The following ACSM3 variants were observed in gnomAD, a reference collection of about 807,000 sequenced individuals.
ACSM3 encodes acyl-coenzyme A synthetase ACSM3, mitochondrial.
A neutral mutation model predicts 74.1 loss-of-function variants in ACSM3; 61 were observed. That is an observed-to-expected ratio of 0.82 (90% CI 0.67 to 1.02). The LOEUF (loss-of-function observed/expected upper bound fraction) is 1.02. Ranked by LOEUF, ACSM3 falls within the 50% of genes least tolerant of loss-of-function variation. The pLI is 0.00. For missense variants in ACSM3, 660 were observed against 697.0 expected, an observed-to-expected ratio of 0.95 and a Z score of 0.60; for synonymous variants, 213 against 241.5, an observed-to-expected ratio of 0.88 and a Z score of 1.09.
At chr16:20,702,351 T>C (rs1567319436) in intron 1 of ACSM3, among the ~76,000 whole-genome samples, 1 of 152,226 alleles carries the variant, frequency 6.6e-6, no homozygotes, top group Non-Finnish European at 1.5e-5. Flanking sequence ...TAGCTGGGAT[T>C]ACAGGCATGT....
At chr16:20,690,751 A>G (rs1180682136) in intron 1 of ACSM3, among the ~76,000 whole-genome samples, 3 of 152,214 alleles carry the variant, frequency 2.0e-5, no homozygotes, top group Admixed American at 1.3e-4. Flanking sequence ...AATAAAAGAT[A>G]TATTTACCTA....
chr16:20,696,059 G>A (rs2079688209), intron 1 of ACSM3, among the ~76,000 whole-genome samples: 1 of 152,138 alleles, frequency 6.6e-6, no homozygotes, highest in African/African-American at 2.4e-5. Flanking sequence ...TGTCATGACT[G>A]CCTACAGTAT....
intron 1 of ACSM3, among the ~76,000 whole-genome samples, chr16:20,694,746 C>A (rs1273329899): frequency 6.6e-6 from 1 of 152,080 alleles, no homozygotes; most frequent in Non-Finnish European, 1.5e-5. Flanking sequence ...AAGTACGAAC[C>A]CCAATATTTC....
At chr16:20,792,514 C>T (rs1182652156) in intron 12 of ACSM3, 179 bp downstream of exon 12, 1 of 984,926 alleles carries the variant, frequency 1.0e-6, no homozygotes, top group African/African-American at 1.7e-5. Context: ...TGAGTTGCAG[C>T]TCTGATCCTA....
chr16:20,780,880 C>G, intron 5 of ACSM3, 23 bp downstream of exon 5: 3 of 1,613,846 alleles, frequency 1.9e-6, no homozygotes, highest in Non-Finnish European at 2.5e-6. Flanking sequence ...AAAAGTGCAG[C>G]TTGAAGTGTC....
intron 1 of ACSM3, among the ~76,000 whole-genome samples, chr16:20,740,389 A>G (rs886508171): frequency 1.3e-5 from 2 of 152,256 alleles, no homozygotes; most frequent in African/African-American, 4.8e-5. Context: ...TGACAGAGCA[A>G]GACCGCTTCC....
chr16:20,767,899 G>C (rs1251227325), intron 1 of ACSM3, among the ~76,000 whole-genome samples: 1 of 152,148 alleles, frequency 6.6e-6, no homozygotes, highest in Non-Finnish European at 1.5e-5. Flanking sequence ...ACTAATTCAT[G>C]ACACATGAAA....
intron 1 of ACSM3, among the ~76,000 whole-genome samples, chr16:20,678,325 T>C (rs1162994891): frequency 6.6e-6 from 1 of 152,172 alleles, no homozygotes; most frequent in Non-Finnish European, 1.5e-5. Context: ...AAAGACATTA[T>C]TAAGGCATCA....
chr16:20,744,882 A>G (rs1345691386), intron 1 of ACSM3, among the ~76,000 whole-genome samples: 2 of 152,232 alleles, frequency 1.3e-5, no homozygotes, highest in Non-Finnish European at 2.9e-5. Flanking sequence ...TCCTTGTGCA[A>G]TTTAATTCTG....
At chr16:20,682,864 T>C (rs1172974398) in intron 1 of ACSM3, among the ~76,000 whole-genome samples, 2 of 152,192 alleles carry the variant, frequency 1.3e-5, no homozygotes, top group African/African-American at 2.4e-5. Context: ...CCTTTTCCCC[T>C]TTCTGTCATT....
chr16:20,712,488 CTTG>C (rs1318331023), intron 1 of ACSM3, among the ~76,000 whole-genome samples: 1 of 151,988 alleles, frequency 6.6e-6, no homozygotes, highest in Non-Finnish European at 1.5e-5. Flanking sequence ...GTACATATCT[CTTG>C]TTGTTTTGAG....
At chr16:20,719,417 A>G in intron 1 of ACSM3, 1 of 235,424 alleles carries the variant, frequency 4.2e-6, no homozygotes, top group South Asian at 8.0e-5. Context: ...ATAGATCTTT[A>G]GAGCTCTTCC....
intron 1 of ACSM3, among the ~76,000 whole-genome samples, chr16:20,747,758 A>G (rs995301795): frequency 6.6e-6 from 1 of 152,250 alleles, no homozygotes; most frequent in Non-Finnish European, 1.5e-5. Flanking sequence ...AAATCATGCT[A>G]TGGACTGCAT....
At chr16:20,684,391 G>A (rs887044653) in intron 1 of ACSM3, among the ~76,000 whole-genome samples, 6 of 152,182 alleles carry the variant, frequency 3.9e-5, no homozygotes, top group East Asian at 1.9e-4. Context: ...AAGGTTTTCT[G>A]TGAAAACCAC....
intron 1 of ACSM3, among the ~76,000 whole-genome samples, chr16:20,724,387 A>T (rs1471806331): frequency 2.0e-5 from 3 of 152,238 alleles, no homozygotes; most frequent in Admixed American, 2.0e-4. Flanking sequence ...TCTCAAAATA[A>T]TAAGAGCTAT....
chr16:20,689,861 T>C (rs2079621027), intron 1 of ACSM3, among the ~76,000 whole-genome samples: 1 of 152,312 alleles, frequency 6.6e-6, no homozygotes, highest in East Asian at 1.9e-4. Flanking sequence ...GGTTAAATAA[T>C]GGATTGTGAA....
rs761227496 is a variant in ACSM3 at position 20,776,050 on chromosome 16, G to A, written c.430+1G>A. The A allele has an allele frequency of 6.2e-7, 1 of 1,613,966 alleles. No homozygotes were observed. The highest frequency in any genetic ancestry group is 2.2e-5 in the East Asian group (1 of 44,884). On this transcript the variant is annotated splice_donor_variant, in intron 3 of 13. Transcript: ENST00000289416. LOFTEE classifies it high-confidence loss of function. ...GCAAATGTGGCCTGTCTGCGAACAGGTTAGTAATGTTTGCTTTCCGATCAT... is the reference window on the plus strand; with the variant it reads ...GCAAATGTGGCCTGTCTGCGAACAGATTAGTAATGTTTGCTTTCCGATCAT...
In ACSM3 at chr16:20,792,117, T is replaced by TA; in HGVS notation, c.1443dup (p.Leu482IlefsTer11). The TA allele has an allele frequency of 6.2e-7, 1 of 1,614,154 alleles. No individual in the cohort carries two copies. The highest frequency in any genetic ancestry group is 1.1e-5 in the South Asian group (1 of 91,082). ...TTTGTTGCAAGAGCAGATGATGTCATATTATCCTCTGGGTAACTTTCTTTT... is the reference window on the plus strand; with the variant it reads ...TTTGTTGCAAGAGCAGATGATGTCATAATTATCCTCTGGGTAACTTTCTTTT... On this transcript the variant is annotated frameshift_variant, in exon 11 of 14. Coordinates refer to ENST00000289416, the MANE Select transcript of ACSM3 (RefSeq NM_005622.4). LOFTEE classifies it high-confidence loss of function.
intron 1 of ACSM3, chr16:20,697,533 A>G (rs1234474612): frequency 6.6e-6 from 1 of 150,384 alleles, no homozygotes; most frequent in Non-Finnish European, 1.5e-5. Flanking sequence ...TAAAAGTAGC[A>G]TTGCCAGAAC....
Sources: gnomAD v4.1 joint callset for allele counts (sites outside exome capture counted in the v4.1 genomes callset) on GRCh38, gnomAD v4.1.1 for gene constraint, MANE v1.5 for transcripts, NCBI Gene and HGNC (gene_info 2026-07-23, HGNC 2026-07-21) for gene names.